Variants in SLC30A7 observed in about 807,000 individuals in gnomAD.
The protein encoded by SLC30A7 is zinc transporter 7.
SLC30A7 carries 35 observed loss-of-function variants against 46.0 expected under a neutral mutation model. That is an observed-to-expected ratio of 0.76 (90% CI 0.58 to 1.01). SLC30A7 has a LOEUF of 1.01. Among genes scored for constraint, SLC30A7 ranks in the 50% least tolerant of loss-of-function variants. SLC30A7 has a pLI of 0.00. For synonymous variants in SLC30A7, 147 were observed against 157.8 expected, an observed-to-expected ratio of 0.93 and a Z score of 0.51; for missense variants, 464 against 451.1, an observed-to-expected ratio of 1.03 and a Z score of -0.26.
chr1:100,956,069 C>A (rs1383992643), intron 8 of SLC30A7, among the ~76,000 whole-genome samples: 1 of 151,750 alleles, frequency 6.6e-6, no homozygotes, highest in African/African-American at 2.4e-5. Context: ...ATAAGCAAAT[C>A]AATAAAAACC....
intron 10 of SLC30A7, among the ~76,000 whole-genome samples, chr1:100,973,800 A>AAT (rs1309852579): frequency 6.6e-6 from 1 of 152,134 alleles, no homozygotes; most frequent in Non-Finnish European, 1.5e-5. Context: ...CAAAAGGGAA[A>AAT]ATATATATAT....
At chr1:100,969,833 A>T (rs1176665491) in intron 10 of SLC30A7, among the ~76,000 whole-genome samples, 1 of 152,068 alleles carries the variant, frequency 6.6e-6, no homozygotes. Context: ...ACATTTAATG[A>T]TTTTAAAATT....
At chr1:100,956,288 G>A (rs759419759) in intron 8 of SLC30A7, among the ~76,000 whole-genome samples, 12 of 152,050 alleles carry the variant, frequency 7.9e-5, no homozygotes, top group Non-Finnish European at 1.6e-4. Context: ...TATTATTTGT[G>A]ATCATGTAAC....
chr1:100,951,217 G>A (rs1235916370), intron 8 of SLC30A7, among the ~76,000 whole-genome samples: 1 of 152,184 alleles, frequency 6.6e-6, no homozygotes, highest in Non-Finnish European at 1.5e-5. Context: ...GTGCGAAGCA[G>A]GGGAGGGGTA....
chr1:100,964,140 G>T (rs1655701940), intron 9 of SLC30A7, among the ~76,000 whole-genome samples: 1 of 151,672 alleles, frequency 6.6e-6, no homozygotes, highest in Non-Finnish European at 1.5e-5. Context: ...ATAATCTTTT[G>T]ATACAGGGAA....
intron 8 of SLC30A7, among the ~76,000 whole-genome samples, chr1:100,935,458 T>A (rs934715829): frequency 6.6e-6 from 1 of 152,246 alleles, no homozygotes; most frequent in Non-Finnish European, 1.5e-5. Flanking sequence ...ATGCATTTTA[T>A]GAAGCAGAGT....
chr1:100,970,848 A>G (rs1164040437), intron 10 of SLC30A7, among the ~76,000 whole-genome samples: 1 of 152,158 alleles, frequency 6.6e-6, no homozygotes. Flanking sequence ...ATGTTTGAAG[A>G]AAACATGTTA....
chr1:100,995,159 G>A, the SLC30A7 span: 44 of 1,548,990 alleles, frequency 2.8e-5, no homozygotes, highest in Non-Finnish European at 5.3e-6. Context: ...TCTGTAGGAA[G>A]TAAAAATAGT....
chr1:100,913,151 T>C (rs937269429), intron 5 of SLC30A7, among the ~76,000 whole-genome samples: 1 of 152,212 alleles, frequency 6.6e-6, no homozygotes, highest in Admixed American at 6.5e-5. Context: ...TTTTTCTACC[T>C]GCTTTAATGT....
intron 10 of SLC30A7, among the ~76,000 whole-genome samples, chr1:100,967,948 G>C (rs1330781114): frequency 6.6e-6 from 1 of 152,100 alleles, no homozygotes; most frequent in Admixed American, 6.6e-5. Context: ...TGGTATTGTG[G>C]TATAGAAGAC....
the SLC30A7 span, chr1:100,992,851 T>C: frequency 3.1e-6 from 2 of 646,192 alleles, no homozygotes; most frequent in South Asian, 2.5e-5. Flanking sequence ...TACATTCTGT[T>C]TGATGTTTTT....
intron 7 of SLC30A7, among the ~76,000 whole-genome samples, chr1:100,920,165 C>T (rs1652850134): frequency 6.6e-6 from 1 of 151,950 alleles, no homozygotes; most frequent in South Asian, 2.1e-4. Context: ...TCTTACAAAT[C>T]ATTATTTTCT....
intron 8 of SLC30A7, among the ~76,000 whole-genome samples, chr1:100,923,506 A>G (rs1653090394): frequency 6.6e-6 from 1 of 152,214 alleles, no homozygotes; most frequent in African/African-American, 2.4e-5. Context: ...AGCTCAGCAC[A>G]GTGCTTTACA....
At chr1:100,904,517 T>G (rs1233465163) in intron 2 of SLC30A7, among the ~76,000 whole-genome samples, 2 of 152,200 alleles carry the variant, frequency 1.3e-5, no homozygotes, top group Non-Finnish European at 2.9e-5. Flanking sequence ...GTTAACTGCT[T>G]TCTCCACAGT....
chr1:100,978,014 A>G lies in SLC30A7; in HGVS notation c.*3157A>G, dbSNP rs965158898. 1 of 152,316 alleles carries G rather than the reference A, an allele frequency of 6.6e-6. No individual in the cohort carries two copies. Among genetic ancestry groups the G allele is most frequent in the Non-Finnish European group, 1.5e-5 (1 of 68,126 alleles). The allele number at this position is 152,316 out of a possible 1,614,324, so 9.4% of individuals were successfully genotyped here. A position where few individuals can be genotyped will look rare whatever the true frequency, so the allele number is the denominator to read the frequency against. On this transcript the variant is annotated 3_prime_UTR_variant, in exon 11 of 11. Coordinates refer to ENST00000357650, the MANE Select transcript of SLC30A7 (RefSeq NM_133496.5). ...GGTCATCCTCCTGCCTCGGCCTCCCAAAGTGCTGAGACTACAGGTGTGAGC... is the reference window on the plus strand; with the variant it reads ...GGTCATCCTCCTGCCTCGGCCTCCCGAAGTGCTGAGACTACAGGTGTGAGC...
At position 100,921,857 on chromosome 1, in the gene SLC30A7, A is replaced by C. The variant is rs1437259826; in HGVS notation, c.842+16A>C. The C allele has an allele frequency of 6.3e-7, 1 of 1,599,878 alleles. No homozygotes were observed. Among genetic ancestry groups the C allele is most frequent in the East Asian group, 2.2e-5 (1 of 44,570 alleles). ...TAGTTGTAAGGTAAGTGTTATTGTT[A>C]CTTTCAAGTATTAAAGTGAGACTGA... is the stretch of plus-strand genomic sequence containing the variant. On this transcript the variant is annotated intron_variant, in intron 8 of 10. Coordinates refer to ENST00000357650, the MANE Select transcript of SLC30A7 (RefSeq NM_133496.5).
intron 8 of SLC30A7, among the ~76,000 whole-genome samples, chr1:100,951,316 C>T (rs918943576): frequency 6.6e-6 from 1 of 151,394 alleles, no homozygotes; most frequent in Admixed American, 6.6e-5. Context: ...CAAATAACAG[C>T]GAAAAAGGGA....
the SLC30A7 span, among the ~76,000 whole-genome samples, chr1:100,988,574 A>C: frequency 6.6e-6 from 1 of 152,190 alleles, no homozygotes. Flanking sequence ...GGCCAGGCAT[A>C]GTGGCTCATG....
intron 8 of SLC30A7, among the ~76,000 whole-genome samples, chr1:100,937,023 C>G (rs1034221385): frequency 1.2e-4 from 18 of 152,158 alleles, no homozygotes; most frequent in African/African-American, 4.1e-4. Flanking sequence ...CATAGATTAT[C>G]TGTATCTATA....
Sources: allele counts gnomAD v4.1 joint callset (sites outside exome capture counted in the v4.1 genomes callset), GRCh38; gene constraint gnomAD v4.1.1; transcripts MANE v1.5; gene names NCBI Gene and HGNC (gene_info 2026-07-23, HGNC 2026-07-21).